Variants in SNAP23 observed in about 807,000 individuals in gnomAD.
SNAP23 encodes the protein synaptosomal-associated protein 23.
In SNAP23, 11 loss-of-function variants were observed where a neutral mutation model predicts 29.0. That is an observed-to-expected ratio of 0.38 (90% confidence interval 0.24 to 0.63). SNAP23 has a LOEUF of 0.63. Among genes scored for constraint, SNAP23 ranks in the 20% least tolerant of loss-of-function variants. SNAP23 has a pLI of 0.58. For missense variants in SNAP23, 220 were observed against 253.9 expected (o/e 0.87, Z 0.91); for synonymous variants, 60 against 82.9 (o/e 0.72, Z 1.50).
In SNAP23 at chr15:42,531,497, T is replaced by G. The variant is rs760837005; in HGVS notation, c.*19T>G. 3.8e-6 allele frequency: 6 copies of G among 1,580,932 alleles called. No individual in the cohort carries two copies. In the African/African-American group the frequency reaches 6.7e-5, roughly 18 times the overall value. On this transcript the variant is annotated 3_prime_UTR_variant, in exon 8 of 8. Transcript: ENST00000249647. ...CAGCTAAAGCTACTGCTGTTCTTCT[T>G]TATCATTTATTCACTTCCGTAGCTC...
intron 1 of SNAP23, among the ~76,000 whole-genome samples, chr15:42,508,734 T>C (rs553708677): frequency 6.6e-6 from 1 of 152,256 alleles, no homozygotes; most frequent in African/African-American, 2.4e-5. Flanking sequence ...AGTTTTGCTT[T>C]TTTTTTCCTA....
intron 1 of SNAP23, among the ~76,000 whole-genome samples, chr15:42,509,176 G>C (rs1481028486): frequency 6.6e-6 from 1 of 152,112 alleles, no homozygotes; most frequent in Non-Finnish European, 1.5e-5. Context: ...GTTGCAAATA[G>C]GAAAGAGTGA....
At chr15:42,508,145 G>A (rs1011658624) in intron 1 of SNAP23, among the ~76,000 whole-genome samples, 2 of 151,714 alleles carry the variant, frequency 1.3e-5, no homozygotes, top group Non-Finnish European at 2.9e-5. Context: ...TGCACCTGTA[G>A]TCCCAGCTAT....
intron 5 of SNAP23, among the ~76,000 whole-genome samples, chr15:42,523,602 C>T (rs1007507873): frequency 6.6e-6 from 1 of 152,184 alleles, no homozygotes; most frequent in Non-Finnish European, 1.5e-5. Context: ...CAGTGATTTA[C>T]AAAGCAGTTT....
intron 5 of SNAP23, among the ~76,000 whole-genome samples, chr15:42,525,260 C>T (rs906920244): frequency 5.5e-4 from 82 of 150,148 alleles, no homozygotes; most frequent in African/African-American, 1.9e-3. Flanking sequence ...CCCAGCTATT[C>T]GGGAGGCTGA....
In SNAP23 at chr15:42,518,753, T is replaced by G. The variant is rs1273932417; in HGVS notation, c.266+3399T>G. On this transcript the variant is annotated intron_variant, in intron 5 of 7. Transcript: ENST00000249647. ...GAAATCTAAAAAACTCCTAAAGTTT[T>G]GTTTTATTTTTGCTGTAATGGTGCC... Among the ~76,000 whole-genome samples the G allele has an allele frequency of 2.7e-5, 4 of 149,724 alleles. No homozygotes were observed. In the South Asian group the frequency reaches 6.2e-4, roughly 23 times the overall value.
chr15:42,526,838 A>ATTT (rs1379818329), intron 5 of SNAP23, among the ~76,000 whole-genome samples: 1 of 137,604 alleles, frequency 7.3e-6, no homozygotes, highest in African/African-American at 2.8e-5. Flanking sequence ...TAGACTTATG[A>ATTT]TTTTTTTTTT....
At chr15:42,492,096 A>C (rs1215929867), upstream of SNAP23, among the ~76,000 whole-genome samples, 1 of 151,664 alleles carries the variant, frequency 6.6e-6, no homozygotes, top group Non-Finnish European at 1.5e-5. Flanking sequence ...TTTTTAGTAG[A>C]GATGGGGTTT....
At position 42,532,898 on chromosome 15, in the gene SNAP23, A is replaced by G. The variant is rs976929388; in HGVS notation, c.*1420A>G. On this transcript the variant is annotated 3_prime_UTR_variant, in exon 8 of 8. Coordinates refer to ENST00000249647, the MANE Select transcript of SNAP23 (RefSeq NM_003825.4). ...TACCCTTGTGTATTGAACTATGTCC[A>G]TAATCAAGTTGATGTGGATCCTGAA... 2.6e-5 allele frequency: 4 copies of G among 152,674 alleles called. No homozygotes were observed. The highest frequency in any genetic ancestry group is 3.2e-3 in the Middle Eastern group (1 of 316). The allele number at this position is 152,674 out of a possible 1,614,324, so 9.5% of individuals were successfully genotyped here.
At chr15:42,500,935 T>C (rs980244427) in intron 1 of SNAP23, among the ~76,000 whole-genome samples, 2 of 152,216 alleles carry the variant, frequency 1.3e-5, no homozygotes, top group African/African-American at 4.8e-5. Context: ...TTTTCCAGAA[T>C]TCTCTCTTCT....
At chr15:42,505,933 C>T (rs1336098985) in intron 1 of SNAP23, among the ~76,000 whole-genome samples, 2 of 149,390 alleles carry the variant, frequency 1.3e-5, no homozygotes, top group Non-Finnish European at 3.0e-5. Context: ...CTTTTCTTTT[C>T]TTTTTTTTTC....
chr15:42,499,486 C>G (rs2057250825), intron 1 of SNAP23, among the ~76,000 whole-genome samples: 1 of 152,080 alleles, frequency 6.6e-6, no homozygotes, highest in Non-Finnish European at 1.5e-5. Flanking sequence ...TGAGTCATAC[C>G]ACCATCATAA....
chr15:42,519,723 A>C (rs958240973), intron 5 of SNAP23, among the ~76,000 whole-genome samples: 1 of 151,792 alleles, frequency 6.6e-6, no homozygotes, highest in African/African-American at 2.4e-5. Context: ...GGCTGGTCTC[A>C]AACTCCTAAG....
At chr15:42,523,694 G>A (rs1595528312) in intron 5 of SNAP23, among the ~76,000 whole-genome samples, 1 of 152,340 alleles carries the variant, frequency 6.6e-6, no homozygotes, top group Admixed American at 6.5e-5. Flanking sequence ...TACAAAGAAA[G>A]GGATGCTCTG....
At chr15:42,493,566 G>A (rs1472607372), upstream of SNAP23, among the ~76,000 whole-genome samples, 1 of 151,906 alleles carries the variant, frequency 6.6e-6, no homozygotes, top group Non-Finnish European at 1.5e-5. Flanking sequence ...ATGAACTAAT[G>A]AACTCAACCA....
chr15:42,517,684 G>A (rs2057408561), intron 5 of SNAP23, among the ~76,000 whole-genome samples: 1 of 152,150 alleles, frequency 6.6e-6, no homozygotes, highest in Non-Finnish European at 1.5e-5. Flanking sequence ...TCTAACCTCA[G>A]TAGAACCCTT....
intron 1 of SNAP23, among the ~76,000 whole-genome samples, chr15:42,509,351 AGTCTAT>A (rs2057340828): frequency 6.6e-6 from 1 of 152,158 alleles, no homozygotes; most frequent in Non-Finnish European, 1.5e-5. Context: ...CCTGAAGCAC[AGTCTAT>A]GGCAAGCAAG....
At chr15:42,500,699 CT>C (rs11340972) in intron 1 of SNAP23, among the ~76,000 whole-genome samples, 7,229 of 152,204 alleles carry the variant, frequency 0.047, 569 homozygotes, top group African/African-American at 0.16. Flanking sequence ...CAGGACTGCT[CT>C]TTTTCTTTGC....
intron 1 of SNAP23, among the ~76,000 whole-genome samples, chr15:42,501,623 G>T (rs771450352): frequency 2.0e-5 from 3 of 152,036 alleles, no homozygotes; most frequent in Non-Finnish European, 4.4e-5. Flanking sequence ...TACTACCCAG[G>T]CTGGTCTCAA....
Sources: gnomAD v4.1 joint callset for allele counts (sites outside exome capture counted in the v4.1 genomes callset) on GRCh38, gnomAD v4.1.1 for gene constraint, MANE v1.5 for transcripts, NCBI Gene and HGNC (gene_info 2026-07-23, HGNC 2026-07-21) for gene names.